The following KCNS3 variants were observed in gnomAD, a reference collection of about 807,000 sequenced individuals.
KCNS3 encodes delayed-rectifier potassium channel regulatory subunit KCNS3.
In KCNS3, 13 loss-of-function variants were observed where a neutral mutation model predicts 31.0. The ratio of observed to expected loss-of-function variants is 0.42; its 90% CI spans 0.27 to 0.67. The LOEUF (loss-of-function observed/expected upper bound fraction) is 0.67. Ranked by LOEUF, KCNS3 falls within the 30% of genes least tolerant of loss-of-function variation. The pLI is 0.25. For synonymous variants in KCNS3, 238 were observed against 241.5 expected, an observed-to-expected ratio of 0.99 and a Z score of 0.13; for missense variants, 545 against 622.4, an observed-to-expected ratio of 0.88 and a Z score of 1.32.
chr2:17,910,524 C>T (rs1027285236), intron 1 of KCNS3, among the ~76,000 whole-genome samples: 1 of 151,952 alleles, frequency 6.6e-6, no homozygotes, highest in African/African-American at 2.4e-5. Context: ...TGAAATGTTG[C>T]TGTTTCTGTT....
chr2:17,884,718 C>T (rs888376303), intron 1 of KCNS3, among the ~76,000 whole-genome samples: 1 of 152,126 alleles, frequency 6.6e-6, no homozygotes, highest in Non-Finnish European at 1.5e-5. Context: ...GAGTCCAGCT[C>T]GTTGGTAAAT....
At chr2:17,886,588 T>C (rs6758967) in intron 1 of KCNS3, among the ~76,000 whole-genome samples, 49,947 of 151,972 alleles carry the variant, frequency 0.33, 8,881 homozygotes, top group East Asian at 0.57. Flanking sequence ...TGAGCTTCCA[T>C]GACAGAGCTT....
At chr2:17,885,618 C>G (rs1572476720) in intron 1 of KCNS3, among the ~76,000 whole-genome samples, 1 of 152,304 alleles carries the variant, frequency 6.6e-6, no homozygotes, top group East Asian at 1.9e-4. Context: ...AGTCCAAAGG[C>G]AGGCTGCTAG....
At chr2:17,923,693 G>A (rs1251725814) in intron 2 of KCNS3, among the ~76,000 whole-genome samples, 1 of 151,692 alleles carries the variant, frequency 6.6e-6, no homozygotes, top group African/African-American at 2.4e-5. Context: ...TTTGCATGTG[G>A]CTATCCAGCT....
chr2:17,899,946 C>T (rs1662128822), intron 1 of KCNS3, among the ~76,000 whole-genome samples: 1 of 152,156 alleles, frequency 6.6e-6, no homozygotes, highest in Non-Finnish European at 1.5e-5. Flanking sequence ...GGGCATGAGC[C>T]TGCTGTGTCA....
At chr2:17,889,114 T>C (rs1358220049) in intron 1 of KCNS3, among the ~76,000 whole-genome samples, 7 of 152,168 alleles carry the variant, frequency 4.6e-5, no homozygotes, top group Non-Finnish European at 4.4e-5. Flanking sequence ...TAGCGGTGTT[T>C]TGTAGTTTTC....
At position 17,904,132 on chromosome 2, in the gene KCNS3, C is replaced by G. The variant is rs1397609673; in HGVS notation, c.-251-13548C>G. Reference sequence around the variant, plus strand: ...TCTCCAGCACCTGTGGTTTCCTGAACTTTTTAATGATTGCCATTGTAACTG... The same window carrying G: ...TCTCCAGCACCTGTGGTTTCCTGAAGTTTTTAATGATTGCCATTGTAACTG... On this transcript the variant is annotated intron_variant, in intron 1 of 2. Transcript: ENST00000304101. 7.9e-5 allele frequency among the ~76,000 whole-genome samples: 12 copies of G among 152,194 alleles called. No individual in the cohort carries two copies. In the East Asian group the frequency reaches 1.9e-3, roughly 24 times the overall value.
intron 1 of KCNS3, among the ~76,000 whole-genome samples, chr2:17,910,566 T>A (rs1662447058): frequency 6.6e-6 from 1 of 152,108 alleles, no homozygotes. Context: ...ACTACTGGAA[T>A]TCACTGCTTG....
chr2:17,904,020 G>A (rs1308250558), intron 1 of KCNS3, among the ~76,000 whole-genome samples: 1 of 152,062 alleles, frequency 6.6e-6, no homozygotes, highest in Non-Finnish European at 1.5e-5. Context: ...CTAGATCCCT[G>A]AGGAGTCGCC....
At chr2:17,897,057 C>CA (rs1288515804) in intron 1 of KCNS3, among the ~76,000 whole-genome samples, 1 of 151,864 alleles carries the variant, frequency 6.6e-6, no homozygotes, top group Non-Finnish European at 1.5e-5. Context: ...CCTCCCCCAT[C>CA]AGTAGTCCAC....
At chr2:17,908,995 A>C (rs540394604) in intron 1 of KCNS3, among the ~76,000 whole-genome samples, 2 of 152,238 alleles carry the variant, frequency 1.3e-5, no homozygotes, top group Non-Finnish European at 2.9e-5. Context: ...GCTGTCAGAC[A>C]GGGACATTTA....
At chr2:17,922,823 G>T (rs1159261101) in intron 2 of KCNS3, among the ~76,000 whole-genome samples, 1 of 151,972 alleles carries the variant, frequency 6.6e-6, no homozygotes, top group Non-Finnish European at 1.5e-5. Context: ...GTTGATCCAG[G>T]TTGTAGTCTG....
At chr2:17,912,296 A>G (rs188858933) in intron 1 of KCNS3, among the ~76,000 whole-genome samples, 3 of 152,274 alleles carry the variant, frequency 2.0e-5, no homozygotes, top group Admixed American at 6.5e-5. Flanking sequence ...TTTCCTGCTC[A>G]CTCCAAAGCT....
At chr2:17,918,817 T>A (rs1240931876) in intron 2 of KCNS3, among the ~76,000 whole-genome samples, 1 of 152,220 alleles carries the variant, frequency 6.6e-6, no homozygotes, top group Non-Finnish European at 1.5e-5. Context: ...AATCAAGGTG[T>A]ACACAAATGG....
chr2:17,906,252 A>T (rs1410217474), intron 1 of KCNS3, among the ~76,000 whole-genome samples: 1 of 152,020 alleles, frequency 6.6e-6, no homozygotes, highest in Non-Finnish European at 1.5e-5. Context: ...TTGCATAGAG[A>T]TGTTTATAGT....
chr2:17,878,201 G>A (rs1032589933), upstream of KCNS3, among the ~76,000 whole-genome samples: 6 of 152,164 alleles, frequency 3.9e-5, no homozygotes, highest in Admixed American at 6.5e-5. Flanking sequence ...ATTTCCTGAG[G>A]AAATCCAGGC....
chr2:17,904,868 T>C (rs535801367), intron 1 of KCNS3, among the ~76,000 whole-genome samples: 220 of 152,292 alleles, frequency 1.4e-3, no homozygotes, highest in Non-Finnish European at 2.2e-3. Flanking sequence ...TGTAGCCTTG[T>C]AGTATAGTTT....
At chr2:17,884,611 A>T (rs1022659505) in intron 1 of KCNS3, among the ~76,000 whole-genome samples, 4 of 152,132 alleles carry the variant, frequency 2.6e-5, no homozygotes, top group African/African-American at 4.8e-5. Flanking sequence ...GACCATACAC[A>T]TAAAGCTTGG....
At chr2:17,883,866 A>T (rs1483171661) in intron 1 of KCNS3, among the ~76,000 whole-genome samples, 2 of 152,152 alleles carry the variant, frequency 1.3e-5, no homozygotes, top group African/African-American at 2.4e-5. Context: ...CAAATGTCCA[A>T]CAATGATAGA....
Sources: allele counts gnomAD v4.1 joint callset (sites outside exome capture counted in the v4.1 genomes callset), GRCh38; gene constraint gnomAD v4.1.1; transcripts MANE v1.5; gene names NCBI Gene and HGNC (gene_info 2026-07-23, HGNC 2026-07-21).